WNT1: variants seen among roughly 807,000 people sequenced by gnomAD.
WNT1 encodes the protein proto-oncogene Wnt-1.
Under a neutral mutation model 21.3 loss-of-function variants are expected in WNT1, and 10 were observed. The observed-to-expected ratio is 0.47, with a 90% CI of 0.29 to 0.80. WNT1 has a LOEUF of 0.80. Among genes scored for constraint, WNT1 ranks in the 30% least tolerant of loss-of-function variants. WNT1 has a pLI of 0.09. For missense variants in WNT1, 476 were observed against 534.1 expected, an observed-to-expected ratio of 0.89 and a Z score of 1.07; for synonymous variants, 208 against 236.3, an observed-to-expected ratio of 0.88 and a Z score of 1.10.
chr12:48,981,951 G>A lies in WNT1; in HGVS notation c.*311G>A, dbSNP rs1941022274. On this transcript the variant is annotated 3_prime_UTR_variant, in exon 4 of 4. Transcript: ENST00000293549. The surrounding 1 kb of genome is among the most constrained non-coding windows in gnomAD (Gnocchi z 7.4). ...GGTGAGAGAAGGATGGGTCCCCTCC[G>A]CCATGGGGTCGGCTCCTGATGGTGT... is the stretch of plus-strand genomic sequence containing the variant. 6.6e-6 allele frequency among the ~76,000 whole-genome samples: 1 copy of A among 152,080 alleles called. No homozygotes were observed. Among genetic ancestry groups the A allele is most frequent in the Non-Finnish European group, 1.5e-5 (1 of 68,012 alleles).
Position 48,980,321 on chromosome 12 carries a change from A to C in WNT1, c.359-103A>C. On this transcript the variant is annotated intron_variant, in intron 2 of 3. Coordinates refer to ENST00000293549, the MANE Select transcript of WNT1 (RefSeq NM_005430.4). The surrounding 1 kb of genome is among the most constrained non-coding windows in gnomAD (Gnocchi z 7.0). The stretch of plus-strand genomic sequence containing the variant: ...CTGCCGGCCCTGGCTCTCAGGACTC[A>C]AAGTGCGGAGTCGGGGGTGGGATTC... The C allele has an allele frequency of 7.3e-7, 1 of 1,367,622 alleles. No homozygotes were observed. Among genetic ancestry groups the C allele is most frequent in the South Asian group, 1.3e-5 (1 of 77,418 alleles). The allele number at this position is 1,367,622 out of a possible 1,614,324, so 84.7% of individuals were successfully genotyped here.
Position 48,981,088 on chromosome 12 carries a change from A to G in WNT1, c.625-64A>G. On this transcript the variant is annotated intron_variant, in intron 3 of 3. Coordinates refer to ENST00000293549, the MANE Select transcript of WNT1 (RefSeq NM_005430.4). The surrounding 1 kb of genome is among the most constrained non-coding windows in gnomAD (Gnocchi z 7.4). ...GCCCCCGTGGCGTCCGGGAGAGGGC[A>G]GTGTCTGGGAGGGTGACTCTGGCCC... The G allele has an allele frequency of 4.4e-6, 7 of 1,578,196 alleles. No individual in the cohort carries two copies. The highest frequency in any genetic ancestry group is 5.2e-6 in the Non-Finnish European group (6 of 1,161,668).
In WNT1 at chr12:48,980,520, C is replaced by A. The variant is rs747833576; in HGVS notation, c.455C>A (p.Thr152Lys). 1 of 1,614,136 alleles carries A rather than the reference C, an allele frequency of 6.2e-7. No homozygotes were observed. The change falls in exon 3 of 4, where the codon ACG becomes AAG. Residue 152 changes from threonine to lysine, a missense_variant. Transcript: ENST00000293549. This position sits in a 1 kb window ranked among gnomAD's most constrained non-coding sequence, Gnocchi z 7.0. ...TCAGAAGGTTCCATCGAATCCTGCA[C>A]GTGTGACTACCGGCGGCGCGGCCCC... ...SCSEGSIESC[T>K]CDYRRRGPGG...
In WNT1 at chr12:48,981,345, G is replaced by T. The variant is rs780567229; in HGVS notation, c.818G>T (p.Arg273Leu). Residue 273 changes from arginine (R) to leucine (L), a missense_variant, in exon 4 of 4, where the codon CGC (arginine) becomes CTC (leucine). Physicochemically the swap from Arg to Leu is moderately radical, Grantham distance 102 (BLOSUM62 -2). Coordinates refer to ENST00000293549, the MANE Select transcript of WNT1 (RefSeq NM_005430.4). The surrounding 1 kb of genome is among the most constrained non-coding windows in gnomAD (Gnocchi z 7.4). ...CGCGCTTCGCGGGCGGAGCTGCTGC[G>T]CCTGGAGCCGGAAGACCCGGCCCAC... ...SNRASRAELL[R>L]LEPEDPAHKP... 6.4e-6 allele frequency: 10 copies of T among 1,565,696 alleles called. No individual in the cohort carries two copies. Among genetic ancestry groups the T allele is most frequent in the South Asian group, 5.8e-5 (5 of 86,222 alleles).
At position 48,978,440 on chromosome 12, in the gene WNT1, G is replaced by A. The variant is rs1010484848; in HGVS notation, c.-211G>A. ...TCCTCCCGTCACTTCAGCCAGCGCC[G>A]CAACTATAAGAGGCGGTGCCGCCCG... On this transcript the variant is annotated 5_prime_UTR_variant, in exon 1 of 4. Coordinates refer to ENST00000293549, the MANE Select transcript of WNT1 (RefSeq NM_005430.4). The surrounding 1 kb of genome is among the most constrained non-coding windows in gnomAD (Gnocchi z 7.4). 12 of 576,804 alleles carry A rather than the reference G, an allele frequency of 2.1e-5. No individual in the cohort carries two copies. The highest frequency in any genetic ancestry group is 5.9e-5 in the African/African-American group (3 of 50,586). 35.7% of individuals were successfully genotyped at this position (576,804 alleles called of 1,614,324 possible).
Position 48,981,594 on chromosome 12 carries a change from G to T in WNT1, c.1067G>T (p.Ser356Ile). 1 of 1,496,164 alleles carries T rather than the reference G, an allele frequency of 6.7e-7. No individual in the cohort carries two copies. Among genetic ancestry groups the T allele is most frequent in the African/African-American group, 1.4e-5 (1 of 70,402 alleles). The allele number at this position is 1,496,164 out of a possible 1,614,324, so 92.7% of individuals were successfully genotyped here. A position where few individuals can be genotyped will look rare whatever the true frequency, so the allele number is the denominator to read the frequency against. Residue 356 changes from serine (S) to isoleucine (I), a missense_variant, in exon 4 of 4, where the codon AGC (serine) becomes ATC (isoleucine). By Grantham distance (142) the Ser-to-Ile change is moderately radical (BLOSUM62 -2). Coordinates refer to ENST00000293549, the MANE Select transcript of WNT1 (RefSeq NM_005430.4). The surrounding 1 kb of genome is among the most constrained non-coding windows in gnomAD (Gnocchi z 7.4). The stretch of plus-strand genomic sequence containing the variant: ...ACCTTCCACTGGTGCTGCCACGTCA[G>T]CTGCCGCAACTGCACGCACACGCGC... ...NCTFHWCCHV[S>I]CRNCTHTRVL...
Position 48,981,689 on chromosome 12 carries a change from C to G in WNT1, c.*49C>G. The G allele has an allele frequency of 7.0e-7, 1 of 1,418,586 alleles. No homozygotes were observed. The highest frequency in any genetic ancestry group is 9.2e-7 in the Non-Finnish European group (1 of 1,092,194). 87.9% of individuals were successfully genotyped at this position (1,418,586 alleles called of 1,614,324 possible). ...GGAACGCTCTCCTCGAGCCCTCCCC[C>G]AAACAGACTCGCTAGCACTCAAGAC... is the stretch of plus-strand genomic sequence containing the variant. On this transcript the variant is annotated 3_prime_UTR_variant, in exon 4 of 4. Transcript: ENST00000293549. The surrounding 1 kb of genome is among the most constrained non-coding windows in gnomAD (Gnocchi z 7.4).
Position 48,980,695 on chromosome 12 carries a change from C to G in WNT1, c.624+6C>G, listed in dbSNP as rs752323410. ...ACAACGAGGCAGGCCGTACGGTGAG[C>G]TTTGAGAGGCTCCGCACCCTAAGCG... On this transcript the variant is annotated splice_donor_region_variant and intron_variant, in intron 3 of 3. Transcript: ENST00000293549. The surrounding 1 kb of genome is among the most constrained non-coding windows in gnomAD (Gnocchi z 7.0). 13 of 1,533,108 alleles carry G rather than the reference C, an allele frequency of 8.5e-6. No individual in the cohort carries two copies. In the Admixed American group the frequency reaches 2.5e-4, roughly 30 times the overall value. 95.0% of individuals were successfully genotyped at this position (1,533,108 alleles called of 1,614,324 possible). A position where few individuals can be genotyped will look rare whatever the true frequency, so the allele number is the denominator to read the frequency against.
Position 48,981,084 on chromosome 12 carries a change from G to A in WNT1, c.625-68G>A, listed in dbSNP as rs1941006190. 7 of 1,575,356 alleles carry A rather than the reference G, an allele frequency of 4.4e-6. No homozygotes were observed. The highest frequency in any genetic ancestry group is 1.4e-5 in the African/African-American group (1 of 73,044). ...TCCGGCCCCCGTGGCGTCCGGGAGAGGGCAGTGTCTGGGAGGGTGACTCTG... is the reference window on the plus strand; with the variant it reads ...TCCGGCCCCCGTGGCGTCCGGGAGAAGGCAGTGTCTGGGAGGGTGACTCTG... On this transcript the variant is annotated intron_variant, in intron 3 of 3. Transcript: ENST00000293549. The surrounding 1 kb of genome is among the most constrained non-coding windows in gnomAD (Gnocchi z 7.4).
In WNT1 at chr12:48,981,966, C is replaced by G. The variant is rs1482703178; in HGVS notation, c.*326C>G. Reference sequence around the variant, plus strand: ...GGTCCCCTCCGCCATGGGGTCGGCTCCTGATGGTGTCATTCTGCCTGCTCC... The same window carrying G: ...GGTCCCCTCCGCCATGGGGTCGGCTGCTGATGGTGTCATTCTGCCTGCTCC... On this transcript the variant is annotated 3_prime_UTR_variant, in exon 4 of 4. Transcript: ENST00000293549. The surrounding 1 kb of genome is among the most constrained non-coding windows in gnomAD (Gnocchi z 7.4). Among the ~76,000 whole-genome samples the G allele has an allele frequency of 6.6e-6, 1 of 152,182 alleles. No homozygotes were observed. The highest frequency in any genetic ancestry group is 2.4e-5 in the African/African-American group (1 of 41,442).
In WNT1 at chr12:48,978,685, C is replaced by A; in HGVS notation, c.35C>A (p.Ser12Tyr). 1 of 1,603,492 alleles carries A rather than the reference C, an allele frequency of 6.2e-7. No homozygotes were observed. The highest frequency in any genetic ancestry group is 8.5e-7 in the Non-Finnish European group (1 of 1,178,554). ...GLWALLPGWV[S>Y]ATLLLALAAL... ...TGGGCGCTGTTGCCTGGCTGGGTTT[C>A]TGCTACGCTGCTGCTGGCGCTGGCC... Residue 12 changes from serine to tyrosine, a missense_variant, in exon 1 of 4, where the codon TCT becomes TAT. By Grantham distance (144) the Ser-to-Tyr change is moderately radical. Transcript: ENST00000293549. This position sits in a 1 kb window ranked among gnomAD's most constrained non-coding sequence, Gnocchi z 7.4.
chr12:48,978,559 A>T lies in WNT1; in HGVS notation c.-92A>T. Reference sequence around the variant, plus strand: ...TAAAGCCAGACTGCGAACTCTCGCCACTGCCGCCACCGCCGCGTCCCGTCC... The same window carrying T: ...TAAAGCCAGACTGCGAACTCTCGCCTCTGCCGCCACCGCCGCGTCCCGTCC... On this transcript the variant is annotated 5_prime_UTR_variant, in exon 1 of 4. Transcript: ENST00000293549. The surrounding 1 kb of genome is among the most constrained non-coding windows in gnomAD (Gnocchi z 7.4). 1.1e-6 allele frequency: 1 copy of T among 936,812 alleles called. No homozygotes were observed. The highest frequency in any genetic ancestry group is 1.6e-6 in the Non-Finnish European group (1 of 607,920). 58.0% of individuals were successfully genotyped at this position (936,812 alleles called of 1,614,324 possible).
rs765905711 is a variant in WNT1, at chr12:48,980,506, C to T, written c.441C>T (p.Ser147=). The T allele has an allele frequency of 2.5e-6, 4 of 1,614,178 alleles. No homozygotes were observed. Among genetic ancestry groups the T allele is most frequent in the Non-Finnish European group, 3.4e-6 (4 of 1,180,020 alleles). ...HSVARSCSEG[S]IESCTCDYRR... is the part of the protein sequence containing the mutation. ...TGGCGCGCTCCTGCTCAGAAGGTTC[C>T]ATCGAATCCTGCACGTGTGACTACC... Residue 147 remains serine, a synonymous_variant, in exon 3 of 4, where the codon TCC becomes TCT. Coordinates refer to ENST00000293549, the MANE Select transcript of WNT1 (RefSeq NM_005430.4). This position sits in a 1 kb window ranked among gnomAD's most constrained non-coding sequence, Gnocchi z 7.0.
rs554294733 is a variant in WNT1 at position 48,979,398 on chromosome 12, G to A, written c.105-70G>A. 14 of 1,520,462 alleles carry A rather than the reference G, an allele frequency of 9.2e-6. No homozygotes were observed. The highest frequency in any genetic ancestry group is 1.8e-4 in the Middle Eastern group (1 of 5,672). The allele number at this position is 1,520,462 out of a possible 1,614,324, so 94.2% of individuals were successfully genotyped here. On this transcript the variant is annotated intron_variant, in intron 1 of 3. Transcript: ENST00000293549. The surrounding 1 kb of genome is among the most constrained non-coding windows in gnomAD (Gnocchi z 6.0). The stretch of plus-strand genomic sequence containing the variant: ...GCCACATACCCCCAGGAAGAGGACC[G>A]GGTGGCACAGTTTTTATGGTTAGGG...
rs1384119760 is a variant in WNT1 at position 48,980,406 on chromosome 12, C to T, written c.359-18C>T. The T allele has an allele frequency of 6.2e-7, 1 of 1,614,098 alleles. No homozygotes were observed. Among genetic ancestry groups the T allele is most frequent in the Non-Finnish European group, 8.5e-7 (1 of 1,180,016 alleles). On this transcript the variant is annotated intron_variant, in intron 2 of 3. Transcript: ENST00000293549. This position sits in a 1 kb window ranked among gnomAD's most constrained non-coding sequence, Gnocchi z 7.0. Reference sequence around the variant, plus strand: ...CCCCGCGTACCCCCTCGCTGATCCCCGCTCCCTTCTCCCACAGGCTGTCGA... The same window carrying T: ...CCCCGCGTACCCCCTCGCTGATCCCTGCTCCCTTCTCCCACAGGCTGTCGA...
At position 48,979,535 on chromosome 12, in the gene WNT1, G is replaced by C. The variant is rs144907447; in HGVS notation, c.172G>C (p.Glu58Gln). ...TDSKSLQLVL[E>Q]PSLQLLSRKQ... ...CTCCAAGAGTCTGCAACTGGTACTC[G>C]AGCCCAGTCTGCAGCTGTTGAGCCG... Residue 58 changes from glutamate to glutamine, a missense_variant, in exon 2 of 4, where the codon GAG becomes CAG. Glu to Gln is a conservative substitution (Grantham distance 29, BLOSUM62 2). Coordinates refer to ENST00000293549, the MANE Select transcript of WNT1 (RefSeq NM_005430.4). This position sits in a 1 kb window ranked among gnomAD's most constrained non-coding sequence, Gnocchi z 6.0. The C allele has an allele frequency of 2.5e-6, 4 of 1,613,834 alleles. No homozygotes were observed. Among genetic ancestry groups the C allele is most frequent in the Non-Finnish European group, 3.4e-6 (4 of 1,180,038 alleles).
rs1408828731 is a variant in WNT1 at position 48,981,825 on chromosome 12, C to G, written c.*185C>G. On this transcript the variant is annotated 3_prime_UTR_variant, in exon 4 of 4. Transcript: ENST00000293549. The surrounding 1 kb of genome is among the most constrained non-coding windows in gnomAD (Gnocchi z 7.4). ...GACTCCTCAAACCACTTGCCTGGGGCGGCATGAACCCTCTTGCCATCCTGA... is the reference window on the plus strand; with the variant it reads ...GACTCCTCAAACCACTTGCCTGGGGGGGCATGAACCCTCTTGCCATCCTGA... The G allele has an allele frequency of 1.2e-6, 1 of 847,754 alleles. No homozygotes were observed. Among genetic ancestry groups the G allele is most frequent in the African/African-American group, 1.8e-5 (1 of 55,194 alleles). The allele number at this position is 847,754 out of a possible 1,614,324, so 52.5% of individuals were successfully genotyped here.
At position 48,979,106 on chromosome 12, in the gene WNT1, G is replaced by A. The variant is rs546766665; in HGVS notation, c.104+352G>A. The stretch of plus-strand genomic sequence containing the variant: ...CCAGGAGTTCGCCTAGAAAGGAGGG[G>A]AGAAGAGGGTGGGACTCCTAAGCAT... On this transcript the variant is annotated intron_variant, in intron 1 of 3. Transcript: ENST00000293549. This position sits in a 1 kb window ranked among gnomAD's most constrained non-coding sequence, Gnocchi z 6.0. 2.6e-4 allele frequency among the ~76,000 whole-genome samples: 39 copies of A among 152,364 alleles called. No individual in the cohort carries two copies. The highest frequency in any genetic ancestry group is 9.1e-4 in the Admixed American group (14 of 15,302).
At position 48,979,811 on chromosome 12, in the gene WNT1, C is replaced by T; in HGVS notation, c.358+90C>T. On this transcript the variant is annotated intron_variant, in intron 2 of 3. Transcript: ENST00000293549. The surrounding 1 kb of genome is among the most constrained non-coding windows in gnomAD (Gnocchi z 6.0). ...GGCGGGCGAGTTCAGAGAAGGTGTC[C>T]CAGGCGCCTGGAGGGTCACACAATC... 6.9e-7 allele frequency: 1 copy of T among 1,444,458 alleles called. No individual in the cohort carries two copies. Among genetic ancestry groups the T allele is most frequent in the Non-Finnish European group, 9.1e-7 (1 of 1,101,100 alleles). 89.5% of individuals were successfully genotyped at this position (1,444,458 alleles called of 1,614,324 possible). A position where few individuals can be genotyped will look rare whatever the true frequency, so the allele number is the denominator to read the frequency against.
Sources: gnomAD v4.1 joint callset for allele counts (sites outside exome capture counted in the v4.1 genomes callset) on GRCh38, gnomAD v4.1.1 for gene constraint, Gnocchi (gnomAD v3.1) non-coding constraint, MANE v1.5 for transcripts, NCBI Gene and HGNC (gene_info 2026-07-23, HGNC 2026-07-21) for gene names.